The following GPRIN3 variants were observed in gnomAD, a reference collection of about 807,000 sequenced individuals.
GPRIN3 encodes GPRIN family member 3.
Under a neutral mutation model 13.7 loss-of-function variants are expected in GPRIN3, and 12 were observed. The ratio of observed to expected loss-of-function variants is 0.87; its 90% CI spans 0.56 to 1.42. The LOEUF (loss-of-function observed/expected upper bound fraction) is 1.42, where lower values mean the gene tolerates loss of function less well. Among genes scored for constraint, GPRIN3 ranks in the 40% most tolerant of loss-of-function variants. GPRIN3 has a pLI of 0.00. For synonymous variants in GPRIN3, 377 were observed against 372.7 expected, an observed-to-expected ratio of 1.01 and a Z score of -0.13; for missense variants, 1,009 against 958.7, an observed-to-expected ratio of 1.05 and a Z score of -0.69.
chr4:89,266,779 C>T (rs1723793392), intron 1 of GPRIN3, among the ~76,000 whole-genome samples: 1 of 152,124 alleles, frequency 6.6e-6, no homozygotes, highest in African/African-American at 2.4e-5. Context: ...TCAAAGAAGA[C>T]ATCTGGCCTT....
At chr4:89,294,771 T>C (rs1166230899) in intron 1 of GPRIN3, among the ~76,000 whole-genome samples, 1 of 152,186 alleles carries the variant, frequency 6.6e-6, no homozygotes, top group Non-Finnish European at 1.5e-5. Context: ...TTCACCACTA[T>C]AGCAAAATCT....
At position 89,240,000 on chromosome 4, in the gene GPRIN3, T is replaced by A. The variant is rs1340238226; in HGVS notation, c.*7780A>T. The stretch of plus-strand genomic sequence containing the variant: ...TCAATCTGATACCCAACCAACGTAA[T>A]TTTTAGTGTCGAGGATTCAAGGTCA... On this transcript the variant is annotated 3_prime_UTR_variant, in exon 2 of 2. Coordinates refer to ENST00000609438, the MANE Select transcript of GPRIN3 (RefSeq NM_198281.3). 2 of 152,134 alleles carry A rather than the reference T, an allele frequency of 1.3e-5. No individual in the cohort carries two copies. The highest frequency in any genetic ancestry group is 6.6e-5 in the Admixed American group (1 of 15,254). The allele number at this position is 152,134 out of a possible 1,614,324, so 9.4% of individuals were successfully genotyped here.
intron 1 of GPRIN3, among the ~76,000 whole-genome samples, chr4:89,299,662 C>T (rs1724839671): frequency 6.6e-6 from 1 of 152,162 alleles, no homozygotes; most frequent in Non-Finnish European, 1.5e-5. Flanking sequence ...GCAAACACAG[C>T]CTACTGTAAT....
chr4:89,287,512 T>C (rs1724455950), intron 1 of GPRIN3, among the ~76,000 whole-genome samples: 1 of 152,076 alleles, frequency 6.6e-6, no homozygotes, highest in Non-Finnish European at 1.5e-5. Flanking sequence ...TAAGGAAAGA[T>C]TTAAAGGCAG....
chr4:89,284,412 G>A (rs1400606981), intron 1 of GPRIN3, among the ~76,000 whole-genome samples: 1 of 152,232 alleles, frequency 6.6e-6, no homozygotes, highest in Non-Finnish European at 1.5e-5. Context: ...CCACTTACAA[G>A]CTGTGTGGCC....
At chr4:89,263,046 A>G (rs1407319381) in intron 1 of GPRIN3, among the ~76,000 whole-genome samples, 2 of 152,242 alleles carry the variant, frequency 1.3e-5, no homozygotes, top group South Asian at 2.1e-4. Flanking sequence ...AACATATTTT[A>G]ATTGCCAGTT....
chr4:89,269,091 G>A (rs929895032), intron 1 of GPRIN3, among the ~76,000 whole-genome samples: 4 of 152,090 alleles, frequency 2.6e-5, no homozygotes, highest in African/African-American at 7.2e-5. Context: ...CATGCAGAAA[G>A]GATCTCCAAA....
At chr4:89,250,374 G>A in intron 1 of GPRIN3, 141 bp from the exon 2 acceptor site, 1 of 368,474 alleles carries the variant, frequency 2.7e-6, no homozygotes, top group Non-Finnish European at 4.7e-6. Flanking sequence ...TTGTGGGGAG[G>A]GAGAAGAAAA....
At position 89,249,976 on chromosome 4, in the gene GPRIN3, A is replaced by C. The variant is rs372513468; in HGVS notation, c.135T>G (p.Asn45Lys). 1 of 1,614,086 alleles carries C rather than the reference A, an allele frequency of 6.2e-7. No homozygotes were observed. The highest frequency in any genetic ancestry group is 8.5e-7 in the Non-Finnish European group (1 of 1,180,024). ...GTTCTGCAGGGGCACCTGAAAAGCC[A>C]TTGGCATTCTTACACAGGAGAGCTG... ...HRPALLCKNA[N>K]GFSGAPAEPD... Residue 45 changes from asparagine (N) to lysine (K), a missense_variant, in exon 2 of 2, where the codon AAT (asparagine) becomes AAG (lysine). Transcript: ENST00000609438.
At chr4:89,274,685 AT>A (rs1413332921) in intron 1 of GPRIN3, among the ~76,000 whole-genome samples, 1 of 152,122 alleles carries the variant, frequency 6.6e-6, no homozygotes, top group Non-Finnish European at 1.5e-5. Flanking sequence ...TTTGGCCTGG[AT>A]TGTGGATCCC....
At chr4:89,299,487 T>C (rs1724835241) in intron 1 of GPRIN3, among the ~76,000 whole-genome samples, 3 of 152,198 alleles carry the variant, frequency 2.0e-5, no homozygotes, top group Admixed American at 1.3e-4. Context: ...GAGATCTGTC[T>C]GAGTTTTCCA....
intron 1 of GPRIN3, among the ~76,000 whole-genome samples, chr4:89,298,985 C>T (rs140359806): frequency 8.6e-4 from 131 of 152,214 alleles, no homozygotes; most frequent in African/African-American, 3.1e-3. Flanking sequence ...TAGTTCTAAA[C>T]ATCAAAATAG....
intron 1 of GPRIN3, among the ~76,000 whole-genome samples, chr4:89,284,868 C>T (rs945943347): frequency 6.6e-6 from 1 of 152,172 alleles, no homozygotes; most frequent in African/African-American, 2.4e-5. Context: ...GACCATCAGG[C>T]TAGGGGAAGG....
In GPRIN3 at chr4:89,248,321, C is replaced by T. The variant is rs755898355; in HGVS notation, c.1790G>A (p.Arg597Lys). ...CAGGCTGGTGGCTGTCTTGGTCTGTCTGTTTTCTTCTAAGGTGCTCTCCTG... is the reference window on the plus strand; with the variant it reads ...CAGGCTGGTGGCTGTCTTGGTCTGTTTGTTTTCTTCTAAGGTGCTCTCCTG... ...KNQESTLEENRQTKTATSLSL... is the reference protein window; with the variant it reads ...KNQESTLEENKQTKTATSLSL... The change falls in exon 2 of 2, where the codon AGA (arginine) becomes AAA (lysine). Residue 597 changes from arginine to lysine, a missense_variant. By Grantham distance (26) the Arg-to-Lys change is conservative. Transcript: ENST00000609438. 8 of 1,614,114 alleles carry T rather than the reference C, an allele frequency of 5.0e-6. No homozygotes were observed. In the South Asian group the frequency reaches 8.8e-5, roughly 18 times the overall value.
chr4:89,250,949 G>A (rs1485489953), intron 1 of GPRIN3: 1 of 152,068 alleles, frequency 6.6e-6, no homozygotes, highest in Non-Finnish European at 1.5e-5. Context: ...TAGAAACACT[G>A]TAAGAGAAAA....
At chr4:89,303,485 T>C (rs1724954141) in intron 1 of GPRIN3, among the ~76,000 whole-genome samples, 1 of 152,200 alleles carries the variant, frequency 6.6e-6, no homozygotes, top group African/African-American at 2.4e-5. Context: ...AGATTTATGA[T>C]GTTATGGCCA....
At chr4:89,278,907 C>T (rs538549200) in intron 1 of GPRIN3, among the ~76,000 whole-genome samples, 1 of 152,326 alleles carries the variant, frequency 6.6e-6, no homozygotes, top group South Asian at 2.1e-4. Context: ...AGGGTACAAA[C>T]CAAGTCATGG....
intron 1 of GPRIN3, among the ~76,000 whole-genome samples, chr4:89,265,610 A>G (rs1723760030): frequency 6.6e-6 from 1 of 152,176 alleles, no homozygotes; most frequent in Admixed American, 6.5e-5. Flanking sequence ...GACCTTGCGG[A>G]CTACTATGCT....
At position 89,247,676 on chromosome 4, in the gene GPRIN3, CT is replaced by C; in HGVS notation, c.*103del. On this transcript the variant is annotated 3_prime_UTR_variant, in exon 2 of 2. Transcript: ENST00000609438. ...AGCAATTTCCTATAGTGAATACTTGCTTTTTCTTCCTAGTCTTGCAGCAAAA... is the reference window on the plus strand; with the variant it reads ...AGCAATTTCCTATAGTGAATACTTGCTTTTCTTCCTAGTCTTGCAGCAAAA... The C allele has an allele frequency of 8.2e-7, 1 of 1,214,086 alleles. No individual in the cohort carries two copies. The highest frequency in any genetic ancestry group is 1.2e-6 in the Non-Finnish European group (1 of 865,238). 75.2% of individuals were successfully genotyped at this position (1,214,086 alleles called of 1,614,324 possible). A position where few individuals can be genotyped will look rare whatever the true frequency, so the allele number is the denominator to read the frequency against.
Sources: allele counts gnomAD v4.1 joint callset (sites outside exome capture counted in the v4.1 genomes callset), GRCh38; gene constraint gnomAD v4.1.1; transcripts MANE v1.5; gene names NCBI Gene and HGNC (gene_info 2026-07-23, HGNC 2026-07-21).